TENM2: variants seen among roughly 807,000 people sequenced by gnomAD.
The protein encoded by TENM2 is teneurin transmembrane protein 2.
Under a neutral mutation model 245.2 loss-of-function variants are expected in TENM2, and 52 were observed. That is an observed-to-expected ratio of 0.21 (90% CI 0.17 to 0.27). TENM2 has a LOEUF of 0.27. TENM2 is among the 10% of genes least tolerant of loss of function. The pLI is 1.00. For synonymous variants in TENM2, 1,363 were observed against 1,438.9 expected, an observed-to-expected ratio of 0.95 and a Z score of 1.19; for missense variants, 3,046 against 3,666.8, an observed-to-expected ratio of 0.83 and a Z score of 4.37.
chr5:168,086,191 C>T (rs1017073828), intron 7 of TENM2, among the ~76,000 whole-genome samples: 2 of 152,170 alleles, frequency 1.3e-5, no homozygotes, highest in Admixed American at 6.5e-5. Flanking sequence ...GCCACCTTCC[C>T]TTCTGGGAAA....
chr5:167,309,059 TG>T (rs202035897), intron 1 of TENM2, among the ~76,000 whole-genome samples: 96 of 35,998 alleles, frequency 2.7e-3, no homozygotes, highest in African/African-American at 9.8e-3. Flanking sequence ...GTGGGGTGGG[TG>T]GGGGGGAGGT....
chr5:167,994,399 C>G (rs933945522), intron 5 of TENM2, among the ~76,000 whole-genome samples: 1 of 152,216 alleles, frequency 6.6e-6, no homozygotes. Context: ...CCTTCATCCC[C>G]AGGCAGCAAG....
chr5:167,502,419 A>T (rs1054470643), intron 2 of TENM2, among the ~76,000 whole-genome samples: 20 of 152,182 alleles, frequency 1.3e-4, no homozygotes, highest in African/African-American at 4.8e-4. Context: ...GTAAAATGCC[A>T]CTTTTAGATT....
Position 167,820,704 on chromosome 5 carries a change from A to T in TENM2, c.503-55282A>T, listed in dbSNP as rs76793624. On this transcript the variant is annotated intron_variant, in intron 2 of 28. Transcript: ENST00000518659. ...AGTGTATGCAGCTGTTGCTAACAAGATATGACTGGCCCCTCAAACATAGTG... is the reference window on the plus strand; with the variant it reads ...AGTGTATGCAGCTGTTGCTAACAAGTTATGACTGGCCCCTCAAACATAGTG... Among the ~76,000 whole-genome samples the T allele has an allele frequency of 7.8e-3, 1,189 of 152,322 alleles. 30 individuals carry two copies. In the East Asian group the frequency reaches 0.092, roughly 12 times the overall value.
chr5:167,334,765 A>T (rs11134455), intron 1 of TENM2, among the ~76,000 whole-genome samples: 68,204 of 152,018 alleles, frequency 0.45, 16,372 homozygotes, highest in Non-Finnish European at 0.55. Flanking sequence ...GCTTTGCTGA[A>T]ATCTTAAAAG....
intron 3 of TENM2, among the ~76,000 whole-genome samples, chr5:167,949,640 G>A (rs1779921014): frequency 6.6e-6 from 1 of 152,150 alleles, no homozygotes; most frequent in Admixed American, 6.5e-5. Context: ...TGGCAGATGA[G>A]TAAGCTGAGA....
the TENM2 span, among the ~76,000 whole-genome samples, chr5:167,273,348 G>A: frequency 6.6e-6 from 1 of 152,136 alleles, no homozygotes; most frequent in Non-Finnish European, 1.5e-5. Flanking sequence ...AAAAGGTGGA[G>A]GCTTGGGGAA....
chr5:167,675,280 A>G (rs192655772), intron 2 of TENM2, among the ~76,000 whole-genome samples: 37 of 152,254 alleles, frequency 2.4e-4, no homozygotes, highest in Admixed American at 1.1e-3. Flanking sequence ...ATCTGCTGAT[A>G]TTTAAATGAA....
the TENM2 span, among the ~76,000 whole-genome samples, chr5:167,002,406 C>T: frequency 2.0e-5 from 3 of 152,206 alleles, no homozygotes; most frequent in East Asian, 3.9e-4. Flanking sequence ...ACAGAGGAGA[C>T]CCTGTCTCCA....
the TENM2 span, among the ~76,000 whole-genome samples, chr5:167,105,608 G>T: frequency 6.6e-6 from 1 of 152,046 alleles, no homozygotes; most frequent in Non-Finnish European, 1.5e-5. Context: ...AAAGTGATCG[G>T]CCGGGCGCGG....
intron 2 of TENM2, among the ~76,000 whole-genome samples, chr5:167,673,587 T>G (rs975506811): frequency 6.6e-6 from 1 of 152,128 alleles, no homozygotes; most frequent in Admixed American, 6.6e-5. Context: ...CAAATGCTTG[T>G]AGTAGCATAG....
chr5:168,238,048 G>A (rs1020635871), intron 25 of TENM2, among the ~76,000 whole-genome samples: 9 of 151,100 alleles, frequency 6.0e-5, no homozygotes, highest in Non-Finnish European at 1.2e-4. Flanking sequence ...AGGAGGCTGA[G>A]GCAGGAGAAT....
chr5:167,263,728 TA>T, the TENM2 span, among the ~76,000 whole-genome samples: 117 of 145,586 alleles, frequency 8.0e-4, no homozygotes, highest in African/African-American at 1.9e-3. Flanking sequence ...GGCAAAAAGT[TA>T]AAAAAAAAAA....
intron 2 of TENM2, among the ~76,000 whole-genome samples, chr5:167,591,148 CA>C (rs1272567756): frequency 6.6e-6 from 1 of 152,108 alleles, no homozygotes; most frequent in African/African-American, 2.4e-5. Flanking sequence ...CAGCCTAGTG[CA>C]AAGCTCTGCA....
At chr5:167,996,939 A>T (rs1240723971) in intron 5 of TENM2, among the ~76,000 whole-genome samples, 1 of 152,050 alleles carries the variant, frequency 6.6e-6, no homozygotes, top group Non-Finnish European at 1.5e-5. Flanking sequence ...GGGTTTTGCC[A>T]TGTTGGCCAG....
At chr5:167,623,516 A>G (rs1461636254) in intron 2 of TENM2, among the ~76,000 whole-genome samples, 3 of 152,108 alleles carry the variant, frequency 2.0e-5, no homozygotes, top group Non-Finnish European at 4.4e-5. Context: ...ATCGCAGCCA[A>G]CAGGATTTTG....
the TENM2 span, among the ~76,000 whole-genome samples, chr5:167,158,913 C>CCTCT: frequency 1.9e-3 from 204 of 105,318 alleles, 5 homozygotes; most frequent in African/African-American, 7.6e-3. Context: ...CCTTCCTCTT[C>CCTCT]CTCTCTCTCT....
At chr5:167,880,855 G>C (rs1250911806) in intron 3 of TENM2, among the ~76,000 whole-genome samples, 1 of 152,196 alleles carries the variant, frequency 6.6e-6, no homozygotes, top group African/African-American at 2.4e-5. Context: ...ATAGGCAATA[G>C]ACCTCAAATG....
chr5:167,460,554 T>A (rs1038572060), intron 2 of TENM2, among the ~76,000 whole-genome samples: 3 of 152,148 alleles, frequency 2.0e-5, no homozygotes, highest in Non-Finnish European at 4.4e-5. Context: ...AACATAGAGA[T>A]GATGACCCTG....
Sources: allele counts gnomAD v4.1 joint callset (sites outside exome capture counted in the v4.1 genomes callset), GRCh38; gene constraint gnomAD v4.1.1; transcripts MANE v1.5; gene names NCBI Gene and HGNC (gene_info 2026-07-23, HGNC 2026-07-21).